Variants in UBE2J2 observed in about 807,000 individuals in gnomAD.
The protein encoded by UBE2J2 is ubiquitin-conjugating enzyme E2 J2.
In UBE2J2, 5 loss-of-function variants were observed where a neutral mutation model predicts 28.6. That is an observed-to-expected ratio of 0.17 (90% confidence interval 0.09 to 0.37). The LOEUF (loss-of-function observed/expected upper bound fraction) is 0.37. Among genes scored for constraint, UBE2J2 ranks in the 10% least tolerant of loss-of-function variants. The pLI is 1.00. For missense variants in UBE2J2, 226 were observed against 338.9 expected (o/e 0.67, Z 2.62); for synonymous variants, 138 against 139.7 (o/e 0.99, Z 0.09).
At chr1:1,258,001 G>A (rs979324440) in intron 3 of UBE2J2, among the ~76,000 whole-genome samples, 10 of 151,364 alleles carry the variant, frequency 6.6e-5, no homozygotes, top group African/African-American at 2.2e-4. Context: ...CCTGAAGATC[G>A]ACCTCAGGGT....
chr1:1,257,147 C>T lies in UBE2J2; in HGVS notation c.276-17G>A, dbSNP rs892147381. On this transcript the variant is annotated splice_polypyrimidine_tract_variant and intron_variant, in intron 4 of 6. Coordinates refer to ENST00000349431, the MANE Select transcript of UBE2J2 (RefSeq NM_058167.3). ...AGACACAGCCTGCAAAACGGGGGCC[C>T]CGTCAGTGCACACTCCCCACCGCAG... 3.1e-6 allele frequency: 5 copies of T among 1,608,468 alleles called. No individual in the cohort carries two copies. The Admixed American group carries it at 6.7e-5, about 22-fold the overall frequency.
chr1:1,266,953 A>C (rs1020699049), intron 2 of UBE2J2, among the ~76,000 whole-genome samples: 1 of 151,754 alleles, frequency 6.6e-6, no homozygotes, highest in African/African-American at 2.4e-5. Context: ...CAGTGGTGTG[A>C]TCTCAGCTCA....
intron 3 of UBE2J2, among the ~76,000 whole-genome samples, chr1:1,259,162 C>A (rs1009700624): frequency 5.8e-5 from 8 of 137,320 alleles, no homozygotes; most frequent in Non-Finnish European, 4.6e-5. Context: ...GTGTGCGTGT[C>A]TGAGTGTGTG....
At position 1,259,527 on chromosome 1, in the gene UBE2J2, G is replaced by A. The variant is rs375516101; in HGVS notation, c.173-2217C>T. On this transcript the variant is annotated intron_variant, in intron 3 of 6. Transcript: ENST00000349431. ...GTAGGATGCAGCACCCCTGCCCCTCGAGTGCTTTACATCTTGCAGGAACGC... is the reference window on the plus strand; with the variant it reads ...GTAGGATGCAGCACCCCTGCCCCTCAAGTGCTTTACATCTTGCAGGAACGC... Among the ~76,000 whole-genome samples the A allele has an allele frequency of 8.5e-5, 13 of 152,304 alleles. No homozygotes were observed. The East Asian group carries it at 1.5e-3, about 18-fold the overall frequency.
intron 3 of UBE2J2, 27 bp downstream of exon 3, chr1:1,263,319 T>C: frequency 6.2e-7 from 1 of 1,607,862 alleles, no homozygotes; most frequent in South Asian, 1.1e-5. Context: ...CCGCCTGGTG[T>C]TCTTCTCCTA....
In UBE2J2 at chr1:1,254,693, T is replaced by C; in HGVS notation, c.*510A>G. 1 of 154,838 alleles carries C rather than the reference T, an allele frequency of 6.5e-6. No individual in the cohort carries two copies. The highest frequency in any genetic ancestry group is 1.4e-5 in the Non-Finnish European group (1 of 69,884). 9.6% of individuals were successfully genotyped at this position (154,838 alleles called of 1,614,324 possible). ...AGACCAAACCCCGACTTATGGATCCTGAGCCACGGCCGTCACTGGCCCCGC... is the reference window on the plus strand; with the variant it reads ...AGACCAAACCCCGACTTATGGATCCCGAGCCACGGCCGTCACTGGCCCCGC... On this transcript the variant is annotated 3_prime_UTR_variant, in exon 7 of 7. Coordinates refer to ENST00000349431, the MANE Select transcript of UBE2J2 (RefSeq NM_058167.3).
chr1:1,267,685 T>A (rs1427387408), intron 2 of UBE2J2, 177 bp downstream of exon 2: 9 of 1,421,432 alleles, frequency 6.3e-6, no homozygotes, highest in Non-Finnish European at 7.4e-6. Flanking sequence ...ATGCGTCCAT[T>A]GGGAAAAGAC....
At chr1:1,256,895 A>C in intron 5 of UBE2J2, 97 bp downstream of exon 5, 1 of 1,077,800 alleles carries the variant, frequency 9.3e-7, no homozygotes. Flanking sequence ...CAAGAAAAAA[A>C]AAAAAAAAAA....
At chr1:1,267,603 C>G (rs552513945) in intron 2 of UBE2J2, 18 of 912,632 alleles carry the variant, frequency 2.0e-5, no homozygotes, top group Admixed American at 3.5e-5. Flanking sequence ...CCCCGCCCCC[C>G]TCAAGGGCCC....
chr1:1,261,976 G>T (rs1421864521), intron 3 of UBE2J2, among the ~76,000 whole-genome samples: 2 of 152,142 alleles, frequency 1.3e-5, no homozygotes, highest in Non-Finnish European at 2.9e-5. Context: ...TCCTGCCTCA[G>T]CCTCCCGAGT....
At position 1,269,954 on chromosome 1, in the gene UBE2J2, T is replaced by C. The variant is rs149592775; in HGVS notation, c.1-1962A>G. 1.6e-3 allele frequency among the ~76,000 whole-genome samples: 244 copies of C among 152,216 alleles called. 1 individual carries two copies. Among genetic ancestry groups the C allele is most frequent in the African/African-American group, 5.4e-3 (224 of 41,536 alleles). ...GACTTGTAATCCCCATAATCCCCCATGTTGAGGGAGGGACCTTGTGGGAGG... is the reference window on the plus strand; with the variant it reads ...GACTTGTAATCCCCATAATCCCCCACGTTGAGGGAGGGACCTTGTGGGAGG... On this transcript the variant is annotated intron_variant, in intron 1 of 6. Coordinates refer to ENST00000349431, the MANE Select transcript of UBE2J2 (RefSeq NM_058167.3).
chr1:1,261,681 T>G (rs563323956), intron 3 of UBE2J2, among the ~76,000 whole-genome samples: 209 of 151,864 alleles, frequency 1.4e-3, no homozygotes, highest in African/African-American at 4.6e-3. Flanking sequence ...GATGGAGTTT[T>G]GATCTTGTCA....
chr1:1,258,791 T>C (rs995317829), intron 3 of UBE2J2, among the ~76,000 whole-genome samples: 1 of 152,242 alleles, frequency 6.6e-6, no homozygotes, highest in Non-Finnish European at 1.5e-5. Flanking sequence ...CCGCACACCC[T>C]GTGTGGCTTC....
chr1:1,263,877 G>A lies in UBE2J2; in HGVS notation c.132-491C>T, dbSNP rs577392243. Among the ~76,000 whole-genome samples the A allele has an allele frequency of 3.3e-5, 5 of 151,822 alleles. No homozygotes were observed. The South Asian group carries it at 6.3e-4, about 19-fold the overall frequency. The stretch of plus-strand genomic sequence containing the variant: ...GTGTGGTAGTGCATGCCTGCAGCCC[G>A]CCTACTCAGGAGGCTGAGGCGGGAG... On this transcript the variant is annotated intron_variant, in intron 2 of 6. Transcript: ENST00000349431.
At chr1:1,262,622 G>C (rs944130284) in intron 3 of UBE2J2, among the ~76,000 whole-genome samples, 2 of 152,238 alleles carry the variant, frequency 1.3e-5, no homozygotes, top group African/African-American at 4.8e-5. Flanking sequence ...CCTGTGGCTG[G>C]ACAGCAACTG....
Position 1,263,346 on chromosome 1 carries a change from C to T in UBE2J2, c.172G>A (p.Gly58Ser). 6.2e-7 allele frequency: 1 copy of T among 1,613,258 alleles called. No individual in the cohort carries two copies. The highest frequency in any genetic ancestry group is 8.5e-7 in the Non-Finnish European group (1 of 1,179,350). Residue 58 changes from glycine (G) to serine (S), a missense_variant and splice_region_variant, in exon 3 of 7, where the codon GGT becomes AGT. Transcript: ENST00000349431. ...VRGPEMTPYE[G>S]GYYHGKLIFP... ...CTTCTCCTAAGCACAGAATCCTTACCTTCATAAGGGGTCATCTCTGGGCCT... is the reference window on the plus strand; with the variant it reads ...CTTCTCCTAAGCACAGAATCCTTACTTTCATAAGGGGTCATCTCTGGGCCT...
At position 1,268,806 on chromosome 1, in the gene UBE2J2, T is replaced by G. The variant is rs569567400; in HGVS notation, c.1-814A>C. ...AATCCTCCCACCTCAGCCTCCTGAG[T>G]AGCTGAGACTACAGACGCATGCCAC... On this transcript the variant is annotated intron_variant, in intron 1 of 6. Coordinates refer to ENST00000349431, the MANE Select transcript of UBE2J2 (RefSeq NM_058167.3). This position sits in a 1 kb window ranked among gnomAD's most constrained non-coding sequence, Gnocchi z 4.7. Among the ~76,000 whole-genome samples, 1 of 151,884 alleles carries G rather than the reference T, an allele frequency of 6.6e-6. No homozygotes were observed. Among genetic ancestry groups the G allele is most frequent in the East Asian group, 1.9e-4 (1 of 5,178 alleles).
chr1:1,267,812 T>C (rs1305290519), intron 2 of UBE2J2, 50 bp downstream of exon 2: 4 of 1,599,836 alleles, frequency 2.5e-6, no homozygotes, highest in African/African-American at 2.7e-5. Context: ...GGCAGAGGCC[T>C]GCGTGGCAGC....
At chr1:1,259,200 T>C (rs1418609239) in intron 3 of UBE2J2, among the ~76,000 whole-genome samples, 6 of 150,738 alleles carry the variant, frequency 4.0e-5, no homozygotes, top group Non-Finnish European at 5.9e-5. Context: ...CTTGTGTGCA[T>C]GTGTGTGTGT....
Sources: gnomAD v4.1 joint callset for allele counts (sites outside exome capture counted in the v4.1 genomes callset) on GRCh38, gnomAD v4.1.1 for gene constraint, Gnocchi (gnomAD v3.1) non-coding constraint, MANE v1.5 for transcripts, NCBI Gene and HGNC (gene_info 2026-07-23, HGNC 2026-07-21) for gene names.